Variants in PKHD1 observed in about 807,000 individuals in gnomAD.
PKHD1 encodes the protein PKHD1 ciliary IPT domain containing fibrocystin/polyductin.
Under a neutral mutation model 412.0 loss-of-function variants are expected in PKHD1, and 291 were observed. That is an observed-to-expected ratio of 0.71 (90% CI 0.64 to 0.78). The LOEUF (loss-of-function observed/expected upper bound fraction) is 0.78. Among genes scored for constraint, PKHD1 ranks in the 30% least tolerant of loss-of-function variants. The pLI is 0.00. For missense variants in PKHD1, 4,825 were observed against 4,950.7 expected (o/e 0.97, Z 0.76); for synonymous variants, 1,777 against 1,821.5 (o/e 0.98, Z 0.62).
intron 55 of PKHD1, among the ~76,000 whole-genome samples, chr6:51,764,880 C>T (rs962069537): frequency 6.6e-6 from 1 of 151,984 alleles, no homozygotes; most frequent in African/African-American, 2.4e-5. Flanking sequence ...TGTGTTGACT[C>T]CTCAATATCT....
intron 60 of PKHD1, among the ~76,000 whole-genome samples, chr6:51,664,920 ATCT>A (rs1410532891): frequency 1.3e-5 from 2 of 152,148 alleles, no homozygotes; most frequent in African/African-American, 2.4e-5. Flanking sequence ...AATAATTAGT[ATCT>A]TCTTATTTAA....
intron 35 of PKHD1, among the ~76,000 whole-genome samples, chr6:51,982,880 T>TAAAAAAAAAAAAAAAAAAAAAAAAA (rs777201105): frequency 1.5e-5 from 2 of 135,994 alleles, no homozygotes; most frequent in Admixed American, 7.5e-5. Flanking sequence ...TAAAATAAAA[T>TAAAAAAAAAAAAAAAAAAAAAAAAA]AAAATAAAAT....
At chr6:51,748,753 AT>A in intron 57 of PKHD1, 88 bp from the exon 58 acceptor site, 1 of 1,049,388 alleles carries the variant, frequency 9.5e-7, no homozygotes, top group Non-Finnish European at 1.5e-6. Context: ...AGATATGAAC[AT>A]TTTTAATGAA....
chr6:52,054,773 G>A (rs538903432), intron 19 of PKHD1, among the ~76,000 whole-genome samples: 9 of 152,130 alleles, frequency 5.9e-5, no homozygotes, highest in Non-Finnish European at 1.0e-4. Flanking sequence ...TTGCAACAAC[G>A]AAAACTGTCT....
Position 51,789,778 on chromosome 6 carries a change from T to A in PKHD1, c.8440+1458A>T, listed in dbSNP as rs150519058. On this transcript the variant is annotated intron_variant, in intron 53 of 66. Transcript: ENST00000371117. ...CAGCAATAACTATGAACCATGGTTA[T>A]AAACTGTATGACCTAAAACAGAAAA... Among the ~76,000 whole-genome samples the A allele has an allele frequency of 2.5e-4, 38 of 152,242 alleles. No individual in the cohort carries two copies. The East Asian group carries it at 7.3e-3, about 29-fold the overall frequency.
chr6:51,950,528 A>G (rs1790204176), intron 36 of PKHD1, among the ~76,000 whole-genome samples: 1 of 152,122 alleles, frequency 6.6e-6, no homozygotes, highest in Admixed American at 6.6e-5. Flanking sequence ...TTGAACCTGC[A>G]TCAGAATCAC....
chr6:51,830,027 C>T (rs756825989), intron 52 of PKHD1, among the ~76,000 whole-genome samples: 1 of 152,074 alleles, frequency 6.6e-6, no homozygotes, highest in Non-Finnish European at 1.5e-5. Context: ...GAAAACAGTT[C>T]CCGGCACATT....
chr6:51,766,952 T>C (rs1789156316), intron 55 of PKHD1, among the ~76,000 whole-genome samples: 1 of 152,122 alleles, frequency 6.6e-6, no homozygotes, highest in South Asian at 2.1e-4. Flanking sequence ...AATTACATGT[T>C]TACTTAAATT....
intron 55 of PKHD1, among the ~76,000 whole-genome samples, chr6:51,762,589 C>A (rs1306801220): frequency 2.0e-5 from 3 of 151,966 alleles, no homozygotes; most frequent in Admixed American, 6.6e-5. Flanking sequence ...GTGTAAGATA[C>A]AAGCTTATAA....
chr6:52,058,563 C>A lies in PKHD1; in HGVS notation c.1272G>T (p.Trp424Cys), dbSNP rs1230558010. The change falls in exon 16 of 67, where the codon TGG (tryptophan) becomes TGT (cysteine). Residue 424 changes from tryptophan to cysteine, a missense_variant. Trp to Cys is a radical substitution (Grantham distance 215, BLOSUM62 -2). Transcript: ENST00000371117. ...CCCTATTCTGCTCCCAGGAGTCAAA[C>A]CAGTCAGCAGTGCCGACGCTGATGG... ...VASISVGTAD[W>C]FDSWEQNRDE... 6.2e-7 allele frequency: 1 copy of A among 1,614,182 alleles called. No homozygotes were observed. The highest frequency in any genetic ancestry group is 2.2e-5 in the East Asian group (1 of 44,888).
intron 35 of PKHD1, among the ~76,000 whole-genome samples, chr6:51,966,497 G>T (rs895353648): frequency 4.6e-5 from 7 of 152,068 alleles, no homozygotes; most frequent in African/African-American, 9.7e-5. Flanking sequence ...GATTTGGGAG[G>T]CCCCAAGATT....
At chr6:51,807,481 GTATA>G (rs1295167915) in intron 52 of PKHD1, among the ~76,000 whole-genome samples, 13 of 55,810 alleles carry the variant, frequency 2.3e-4, no homozygotes, top group African/African-American at 1.0e-3. Context: ...ATATATATAT[GTATA>G]TGTGTGTGTG....
At chr6:52,011,666 T>A (rs1799846062) in intron 34 of PKHD1, among the ~76,000 whole-genome samples, 1 of 152,218 alleles carries the variant, frequency 6.6e-6, no homozygotes, top group Admixed American at 6.5e-5. Flanking sequence ...CAAATCAATG[T>A]CAAAATGTTT....
intron 18 of PKHD1, 114 bp downstream of exon 18, chr6:52,056,584 A>ATT (rs374930650): frequency 3.9e-6 from 3 of 772,972 alleles, no homozygotes; most frequent in Middle Eastern, 3.0e-4. Flanking sequence ...CAGGTTTCAT[A>ATT]TTTTTTTTTT....
At chr6:51,810,008 T>G (rs1764453404) in intron 52 of PKHD1, among the ~76,000 whole-genome samples, 1 of 152,088 alleles carries the variant, frequency 6.6e-6, no homozygotes, top group Non-Finnish European at 1.5e-5. Flanking sequence ...GCATTCACGT[T>G]TTATTCTCGA....
chr6:51,632,773 A>C (rs770306547), intron 64 of PKHD1, 50 bp from the exon 65 acceptor site: 1 of 1,451,680 alleles, frequency 6.9e-7, no homozygotes, highest in Non-Finnish European at 9.6e-7. Context: ...TAAGATGCTA[A>C]TATAATTAAA....
chr6:51,638,934 T>C lies in PKHD1; in HGVS notation c.11421A>G (p.Gln3807=), dbSNP rs750180871. Residue 3807 remains glutamine, a synonymous_variant, in exon 64 of 67, where the codon CAA becomes CAG. Coordinates refer to ENST00000371117, the MANE Select transcript of PKHD1 (RefSeq NM_138694.4). ...VLKGCTQAET[Q]DGYVSFYNLA... is the part of the protein sequence containing the mutation. ...AGTTGTAGAAGCTAACATAACCATCTTGAGTTTCTGCCTGGGTGCACCCTA... is the reference window on the plus strand; with the variant it reads ...AGTTGTAGAAGCTAACATAACCATCCTGAGTTTCTGCCTGGGTGCACCCTA... 1 of 1,613,478 alleles carries C rather than the reference T, an allele frequency of 6.2e-7. No homozygotes were observed. The highest frequency in any genetic ancestry group is 8.5e-7 in the Non-Finnish European group (1 of 1,179,546).
chr6:51,849,303 T>C (rs1468645455), intron 49 of PKHD1, among the ~76,000 whole-genome samples: 5 of 152,128 alleles, frequency 3.3e-5, no homozygotes, highest in Admixed American at 3.3e-4. Flanking sequence ...AGTCTATCAT[T>C]GATGGGCATT....
At position 51,816,756 on chromosome 6, in the gene PKHD1, CT is replaced by C. The variant is rs1765525038; in HGVS notation, c.8302+14104del. 2.6e-5 allele frequency among the ~76,000 whole-genome samples: 4 copies of C among 152,318 alleles called. No individual in the cohort carries two copies. In the East Asian group the frequency reaches 5.8e-4, roughly 22 times the overall value. ...CCTCATTCCTATTTTCTGTATATCA[CT>C]TTCCTTTTTCTGTCCATAAATCCTC... On this transcript the variant is annotated intron_variant, in intron 52 of 66. Transcript: ENST00000371117.
Sources: gnomAD v4.1 joint callset for allele counts (sites outside exome capture counted in the v4.1 genomes callset) on GRCh38, gnomAD v4.1.1 for gene constraint, MANE v1.5 for transcripts, NCBI Gene and HGNC (gene_info 2026-07-23, HGNC 2026-07-21) for gene names.